HTRA3: variants seen among roughly 807,000 people sequenced by gnomAD.
HTRA3 encodes the protein serine protease HTRA3.
Under a neutral mutation model 43.2 loss-of-function variants are expected in HTRA3, and 41 were observed. That is an observed-to-expected ratio of 0.95 (90% CI 0.74 to 1.23). The LOEUF (loss-of-function observed/expected upper bound fraction) is 1.23. HTRA3 is among the 50% of genes most tolerant of loss of function. The pLI, the probability that HTRA3 is intolerant of heterozygous loss-of-function variation, is 0.00. For synonymous variants in HTRA3, 295 were observed against 287.9 expected (o/e 1.02, Z -0.25); for missense variants, 628 against 647.1 (o/e 0.97, Z 0.32).
Position 8,295,556 on chromosome 4 carries a change from C to T in HTRA3, c.1051+1355C>T, listed in dbSNP as rs1713424625. The T allele has an allele frequency of 5.8e-6, 3 of 516,908 alleles. No individual in the cohort carries two copies. The highest frequency in any genetic ancestry group is 4.4e-5 in the Admixed American group (1 of 22,956). 32.0% of individuals were successfully genotyped at this position (516,908 alleles called of 1,614,324 possible). On this transcript the variant is annotated intron_variant, in intron 6 of 8. Transcript: ENST00000307358. The surrounding 1 kb of genome is among the most constrained non-coding windows in gnomAD (Gnocchi z 6.9). ...CCAATCGCAGGGCCTTTCCTGGGGG[C>T]CTCTCCCTCCCCACCTTCTCTTCAG...
At position 8,306,331 on chromosome 4, in the gene HTRA3, G is replaced by A. The variant is rs115020927; in HGVS notation, c.*195G>A. The A allele has an allele frequency of 4.8e-3, 2,710 of 569,490 alleles. 51 individuals carry two copies. Among genetic ancestry groups the A allele is most frequent in the African/African-American group, 0.047 (2,461 of 52,186 alleles). The allele number at this position is 569,490 out of a possible 1,614,324, so 35.3% of individuals were successfully genotyped here. ...CTGGGGAGTGTTGGATCCACATCCC[G>A]GTGCCGGGGAGGGAAGCCCAACATC... On this transcript the variant is annotated 3_prime_UTR_variant, in exon 9 of 9. Coordinates refer to ENST00000307358, the MANE Select transcript of HTRA3 (RefSeq NM_053044.5). The surrounding 1 kb of genome is among the most constrained non-coding windows in gnomAD (Gnocchi z 8.9).
intron 2 of HTRA3, 65 bp downstream of exon 2, chr4:8,282,601 G>A (rs1441136333): frequency 7.8e-7 from 1 of 1,287,312 alleles, no homozygotes; most frequent in African/African-American, 1.5e-5. Flanking sequence ...CCAGCTGCTG[G>A]GGCCCAAACC....
Position 8,270,309 on chromosome 4 carries a change from C to T in HTRA3, c.341C>T (p.Ser114Phe). Residue 114 changes from serine to phenylalanine, a missense_variant, in exon 1 of 9, where the codon TCC (serine) becomes TTC (phenylalanine). Transcript: ENST00000307358. The stretch of plus-strand genomic sequence containing the variant: ...GCCAGCCGCCGCGCGCTGCAGCTCT[C>T]CGGGACGCCCGTGCGCCAGCTGCAG... ...QAASRRALQL[S>F]GTPVRQLQKG... is the part of the protein sequence containing the mutation. 2 of 1,466,960 alleles carry T rather than the reference C, an allele frequency of 1.4e-6. No homozygotes were observed. Among genetic ancestry groups the T allele is most frequent in the Non-Finnish European group, 1.8e-6 (2 of 1,116,350 alleles). 90.9% of individuals were successfully genotyped at this position (1,466,960 alleles called of 1,614,324 possible).
At chr4:8,280,272 C>T (rs549067434) in intron 1 of HTRA3, among the ~76,000 whole-genome samples, 1 of 152,182 alleles carries the variant, frequency 6.6e-6, no homozygotes. Flanking sequence ...CCAGGGCACA[C>T]AGGGGAGCAG....
rs928223604 is a variant in HTRA3 at position 8,281,603 on chromosome 4, G to T, written c.386-834G>T. Among the ~76,000 whole-genome samples, 2 of 152,378 alleles carry T rather than the reference G, an allele frequency of 1.3e-5. 1 individual carries two copies. The highest frequency in any genetic ancestry group is 1.3e-4 in the Admixed American group (2 of 15,308). ...CCCAGTTGCTCATTGCGGGGCTCGG[G>T]AGCCACGAGCGAGGCTGAGCAGCAT... On this transcript the variant is annotated intron_variant, in intron 1 of 8. Transcript: ENST00000307358.
chr4:8,286,558 CA>C lies in HTRA3; in HGVS notation c.486-2del, dbSNP rs779687024. Reference sequence around the variant, plus strand: ...ATGCCCGCCTGTGTCTCCCTGGCTGCAGACACCCGCTGTTTGGCCGCAACGT... The same window carrying C: ...ATGCCCGCCTGTGTCTCCCTGGCTGCGACACCCGCTGTTTGGCCGCAACGT... On this transcript the variant is annotated splice_acceptor_variant, in intron 2 of 8. Coordinates refer to ENST00000307358, the MANE Select transcript of HTRA3 (RefSeq NM_053044.5). LOFTEE classifies it high-confidence loss of function. This position sits in a 1 kb window ranked among gnomAD's most constrained non-coding sequence, Gnocchi z 4.9. 3 of 1,612,920 alleles carry C rather than the reference CA, an allele frequency of 1.9e-6. No individual in the cohort carries two copies. In the South Asian group the frequency reaches 3.3e-5, roughly 18 times the overall value.
chr4:8,301,798 A>T (rs1713664685), intron 6 of HTRA3, among the ~76,000 whole-genome samples: 1 of 152,190 alleles, frequency 6.6e-6, no homozygotes, highest in African/African-American at 2.4e-5. Flanking sequence ...TTTAGAATGT[A>T]TTATTAATTT....
intron 1 of HTRA3, among the ~76,000 whole-genome samples, chr4:8,271,127 G>A (rs969257767): frequency 3.9e-5 from 6 of 152,170 alleles, no homozygotes; most frequent in Middle Eastern, 3.2e-3. Flanking sequence ...GTGGCAGGGA[G>A]AGATGCAGTA....
chr4:8,273,545 T>A (rs1276542475), intron 1 of HTRA3, among the ~76,000 whole-genome samples: 1 of 134,946 alleles, frequency 7.4e-6, no homozygotes, highest in Non-Finnish European at 1.6e-5. Context: ...CCCGCCCCAG[T>A]AAGCTCATCT....
Position 8,295,896 on chromosome 4 carries a change from C to T in HTRA3, c.1051+1695C>T, listed in dbSNP as rs929003875. ...AAGACAATCTGGAGCCAGGCAGAGCCTGTCTTTCCCAAAGAAGCTGAAGTC... is the reference window on the plus strand; with the variant it reads ...AAGACAATCTGGAGCCAGGCAGAGCTTGTCTTTCCCAAAGAAGCTGAAGTC... On this transcript the variant is annotated intron_variant, in intron 6 of 8. Coordinates refer to ENST00000307358, the MANE Select transcript of HTRA3 (RefSeq NM_053044.5). The surrounding 1 kb of genome is among the most constrained non-coding windows in gnomAD (Gnocchi z 6.9). 5.7e-6 allele frequency: 7 copies of T among 1,233,990 alleles called. No individual in the cohort carries two copies. The highest frequency in any genetic ancestry group is 3.1e-5 in the African/African-American group (2 of 64,492). 76.4% of individuals were successfully genotyped at this position (1,233,990 alleles called of 1,614,324 possible). A position where few individuals can be genotyped will look rare whatever the true frequency, so the allele number is the denominator to read the frequency against.
intron 1 of HTRA3, among the ~76,000 whole-genome samples, chr4:8,273,937 C>T (rs1253453805): frequency 2.0e-5 from 3 of 152,068 alleles, no homozygotes; most frequent in South Asian, 2.1e-4. Flanking sequence ...TCCTGTGCAC[C>T]GGGAGTCCCC....
intron 7 of HTRA3, among the ~76,000 whole-genome samples, chr4:8,303,246 A>T (rs542112154): frequency 2.0e-5 from 3 of 152,214 alleles, no homozygotes; most frequent in Admixed American, 6.5e-5. Context: ...CCTTGAACTC[A>T]TCCTGCTGTG....
chr4:8,294,099 A>T lies in HTRA3; in HGVS notation c.949A>T (p.Ile317Phe). Residue 317 changes from isoleucine (I) to phenylalanine (F), a missense_variant, in exon 6 of 9, where the codon ATT becomes TTT. Transcript: ENST00000307358. ...CCTCCCTGCCCAGGATGGCGAGGTCATTGGCATCAACACGCTCAAGGTCAC... is the reference window on the plus strand; with the variant it reads ...CCTCCCTGCCCAGGATGGCGAGGTCTTTGGCATCAACACGCTCAAGGTCAC... ...GPLVNLDGEV[I>F]GINTLKVTAG... 6.2e-7 allele frequency: 1 copy of T among 1,610,392 alleles called. No homozygotes were observed. The highest frequency in any genetic ancestry group is 8.5e-7 in the Non-Finnish European group (1 of 1,178,168).
intron 1 of HTRA3, among the ~76,000 whole-genome samples, chr4:8,278,576 T>C (rs568564409): frequency 4.8e-4 from 73 of 151,990 alleles, no homozygotes; most frequent in Non-Finnish European, 7.6e-4. Flanking sequence ...CGTCCTCCCT[T>C]CCCCCTGATT....
At chr4:8,289,803 G>A (rs1713156818) in intron 3 of HTRA3, among the ~76,000 whole-genome samples, 1 of 150,152 alleles carries the variant, frequency 6.7e-6, no homozygotes. Context: ...CACCCTCCTT[G>A]GGTGCAGGGA....
chr4:8,302,686 T>G (rs1713703990), intron 7 of HTRA3, among the ~76,000 whole-genome samples, 175 bp downstream of exon 7: 1 of 152,256 alleles, frequency 6.6e-6, no homozygotes, highest in South Asian at 2.1e-4. Context: ...CCTTTCCCTC[T>G]TTGCCTTATA....
At chr4:8,276,486 C>T (rs1313225156) in intron 1 of HTRA3, among the ~76,000 whole-genome samples, 2 of 152,236 alleles carry the variant, frequency 1.3e-5, no homozygotes, top group Non-Finnish European at 2.9e-5. Flanking sequence ...GAGGTGCTGC[C>T]ATGTGCTGGC....
intron 2 of HTRA3, among the ~76,000 whole-genome samples, chr4:8,285,843 G>A (rs1408743431): frequency 2.0e-5 from 3 of 152,230 alleles, no homozygotes; most frequent in African/African-American, 4.8e-5. Context: ...CTCGGGTCCT[G>A]CATCTGCCTG....
rs911167172 is a variant in HTRA3, at chr4:8,286,841, C to T, written c.708+58C>T. The T allele has an allele frequency of 2.9e-6, 4 of 1,360,506 alleles. No homozygotes were observed. In the South Asian group the frequency reaches 3.9e-5, roughly 13 times the overall value. The allele number at this position is 1,360,506 out of a possible 1,614,324, so 84.3% of individuals were successfully genotyped here. ...CTGGGGCTGGGCATGGTGGCCTCTT[C>T]CCAGACGCCGGAACCCAGAGGCAAG... On this transcript the variant is annotated intron_variant, in intron 3 of 8. Coordinates refer to ENST00000307358, the MANE Select transcript of HTRA3 (RefSeq NM_053044.5). The surrounding 1 kb of genome is among the most constrained non-coding windows in gnomAD (Gnocchi z 4.9).
Sources: gnomAD v4.1 joint callset for allele counts (sites outside exome capture counted in the v4.1 genomes callset) on GRCh38, gnomAD v4.1.1 for gene constraint, Gnocchi (gnomAD v3.1) non-coding constraint, MANE v1.5 for transcripts, NCBI Gene and HGNC (gene_info 2026-07-23, HGNC 2026-07-21) for gene names.